LAMB4: variants seen among roughly 807,000 people sequenced by gnomAD.
LAMB4 encodes the protein laminin subunit beta-4.
Under a neutral mutation model 199.2 loss-of-function variants are expected in LAMB4, and 196 were observed. That is an observed-to-expected ratio of 0.98 (90% CI 0.88 to 1.11). LAMB4 has a LOEUF of 1.11. Among genes scored for constraint, LAMB4 ranks in the 50% least tolerant of loss-of-function variants. The pLI is 0.00. For synonymous variants in LAMB4, 744 were observed against 770.6 expected (o/e 0.97, Z 0.57); for missense variants, 2,080 against 2,171.2 (o/e 0.96, Z 0.83).
chr7:108,025,389 T>TTTTC (rs60438956), intron 33 of LAMB4, among the ~76,000 whole-genome samples: 12,480 of 91,286 alleles, frequency 0.14, 946 homozygotes, highest in African/African-American at 0.24. Flanking sequence ...TTTTCTTTTC[T>TTTTC]TTTCTTTCTT....
intron 14 of LAMB4, among the ~76,000 whole-genome samples, chr7:108,086,797 C>T (rs1452063997): frequency 6.6e-6 from 1 of 152,164 alleles, no homozygotes; most frequent in Non-Finnish European, 1.5e-5. Flanking sequence ...ATTAGAATCA[C>T]CTTGGGGCAC....
chr7:108,070,491 C>T (rs1266658757), intron 17 of LAMB4, among the ~76,000 whole-genome samples: 1 of 152,180 alleles, frequency 6.6e-6, no homozygotes, highest in African/African-American at 2.4e-5. Context: ...GACAGCAAGG[C>T]CAAGCCCTCC....
chr7:108,119,260 A>G (rs992216616), intron 2 of LAMB4, among the ~76,000 whole-genome samples: 2 of 152,206 alleles, frequency 1.3e-5, no homozygotes, highest in Admixed American at 6.5e-5. Flanking sequence ...TGATCAAGCA[A>G]CTCAGCAAGG....
intron 14 of LAMB4, among the ~76,000 whole-genome samples, chr7:108,081,435 G>C (rs2036936648): frequency 6.6e-6 from 1 of 152,210 alleles, no homozygotes; most frequent in African/African-American, 2.4e-5. Flanking sequence ...TTTTACCTGA[G>C]ACCATGTCTC....
chr7:108,071,279 A>T (rs563673912), intron 17 of LAMB4, among the ~76,000 whole-genome samples: 16 of 152,132 alleles, frequency 1.1e-4, no homozygotes, highest in African/African-American at 3.9e-4. Context: ...TCACCCTTCA[A>T]GCCAATGCAA....
chr7:108,014,444 TGTTGA>T, the LAMB4 span, among the ~76,000 whole-genome samples: 30,620 of 151,892 alleles, frequency 0.2, 4,874 homozygotes, highest in African/African-American at 0.45. Context: ...TGTTTAGCTG[TGTTGA>T]GTTGAGAAAG....
chr7:108,096,734 C>T (rs1156916809), intron 11 of LAMB4, among the ~76,000 whole-genome samples: 1 of 147,974 alleles, frequency 6.8e-6, no homozygotes, highest in Non-Finnish European at 1.5e-5. Context: ...GAGTTGAAGA[C>T]CAGCCTAGGA....
intron 24 of LAMB4, 61 bp from the exon 25 acceptor site, chr7:108,056,068 A>C: frequency 5.0e-5 from 74 of 1,469,978 alleles, no homozygotes; most frequent in Non-Finnish European, 6.3e-5. Flanking sequence ...TGACTAACTC[A>C]AGAATCAGGT....
chr7:108,036,435 G>A (rs574864698), intron 30 of LAMB4, among the ~76,000 whole-genome samples: 15 of 152,246 alleles, frequency 9.9e-5, no homozygotes, highest in African/African-American at 3.1e-4. Flanking sequence ...TGATCTGCCC[G>A]CCTCAGCCTC....
At chr7:108,028,379 C>T (rs758465929) in intron 33 of LAMB4, among the ~76,000 whole-genome samples, 66 of 152,140 alleles carry the variant, frequency 4.3e-4, no homozygotes, top group Non-Finnish European at 2.8e-4. Flanking sequence ...TGCCCTCTAC[C>T]CAGTACATGC....
At chr7:108,020,443 C>T (rs1300036180), downstream of LAMB4, among the ~76,000 whole-genome samples, 2 of 143,506 alleles carry the variant, frequency 1.4e-5, no homozygotes, top group African/African-American at 5.3e-5. Flanking sequence ...TGCACTCCAG[C>T]CTAGGTGACA....
intron 29 of LAMB4, among the ~76,000 whole-genome samples, chr7:108,038,404 A>G (rs2035303869): frequency 6.6e-6 from 1 of 152,062 alleles, no homozygotes; most frequent in African/African-American, 2.4e-5. Flanking sequence ...CTCCTGATCC[A>G]CCCACCTTGC....
intron 6 of LAMB4, 139 bp downstream of exon 6, chr7:108,107,492 G>A (rs401066): frequency 0.4 from 254,334 of 643,454 alleles, 51,379 homozygotes; most frequent in Non-Finnish European, 0.42. Context: ...AATCATTTCA[G>A]TTTAGACACT....
intron 11 of LAMB4, among the ~76,000 whole-genome samples, chr7:108,097,658 G>A (rs1393809213): frequency 1.3e-5 from 2 of 152,080 alleles, no homozygotes; most frequent in Non-Finnish European, 2.9e-5. Context: ...GGTGGCAGGC[G>A]CCTGTAGTCC....
chr7:108,088,155 G>A (rs1584723643), intron 14 of LAMB4, among the ~76,000 whole-genome samples: 1 of 146,098 alleles, frequency 6.8e-6, no homozygotes, highest in Non-Finnish European at 1.5e-5. Context: ...ATGCAAAGCT[G>A]TTGCTAAAAT....
At chr7:108,019,927 G>A (rs2034654597), downstream of LAMB4, among the ~76,000 whole-genome samples, 1 of 152,120 alleles carries the variant, frequency 6.6e-6, no homozygotes, top group East Asian at 1.9e-4. Context: ...AGAAGATACA[G>A]GATAGTCTCC....
chr7:108,018,359 T>C, the LAMB4 span, among the ~76,000 whole-genome samples: 1 of 152,200 alleles, frequency 6.6e-6, no homozygotes, highest in South Asian at 2.1e-4. Context: ...TGGAGGAGCG[T>C]GCCATCAGGG....
rs772804437 is a variant in LAMB4, at chr7:108,030,946, GCTCACT to G, written c.4846_4851del (p.Ser1616_Glu1617del). 6 of 1,613,626 alleles carry G rather than the reference GCTCACT, an allele frequency of 3.7e-6. No homozygotes were observed. The African/African-American group carries it at 8.0e-5, about 22-fold the overall frequency. On this transcript the variant is annotated inframe_deletion, in exon 32 of 34. Coordinates refer to ENST00000388781, the MANE Select transcript of LAMB4 (RefSeq NM_007356.3). ...CCTGATCGCTGCTTTGCTAACTCCA[GCTCACT>G]CTTCATTTCCCTGGTTTGATTTTCA...
chr7:108,118,348 G>A (rs1217157417), intron 2 of LAMB4, among the ~76,000 whole-genome samples: 1 of 152,076 alleles, frequency 6.6e-6, no homozygotes, highest in Non-Finnish European at 1.5e-5. Context: ...GAAAATAAAG[G>A]CGAAGGAATA....
Sources: gnomAD v4.1 joint callset for allele counts (sites outside exome capture counted in the v4.1 genomes callset) on GRCh38, gnomAD v4.1.1 for gene constraint, MANE v1.5 for transcripts, NCBI Gene and HGNC (gene_info 2026-07-23, HGNC 2026-07-21) for gene names.